Variants in CNTN6 observed in about 807,000 individuals in gnomAD.
The protein encoded by CNTN6 is contactin 6.
Under a neutral mutation model 122.8 loss-of-function variants are expected in CNTN6, and 137 were observed. The observed-to-expected ratio is 1.12, with a 90% CI of 0.97 to 1.29. The LOEUF (loss-of-function observed/expected upper bound fraction) is 1.29, where lower values mean the gene tolerates loss of function less well. Among genes scored for constraint, CNTN6 ranks in the 50% most tolerant of loss-of-function variants. CNTN6 has a pLI of 0.00. For missense variants in CNTN6, 1,634 were observed against 1,223.4 expected (o/e 1.34, Z -5.01); for synonymous variants, 570 against 426.0 (o/e 1.34, Z -4.16).
intron 4 of CNTN6, among the ~76,000 whole-genome samples, chr3:1,266,949 C>A (rs1270411825): frequency 1.1e-5 from 1 of 90,390 alleles, no homozygotes; most frequent in Admixed American, 1.3e-4. Flanking sequence ...CAGCCTGGCC[C>A]TTTTTTTTTT....
In CNTN6 at chr3:1,403,592, A is replaced by G. The variant is rs1696007503; in HGVS notation, c.*174A>G. 2 of 413,910 alleles carry G rather than the reference A, an allele frequency of 4.8e-6. No homozygotes were observed. Among genetic ancestry groups the G allele is most frequent in the Non-Finnish European group, 4.2e-6 (1 of 236,334 alleles). The allele number at this position is 413,910 out of a possible 1,614,324, so 25.6% of individuals were successfully genotyped here. A position where few individuals can be genotyped will look rare whatever the true frequency, so the allele number is the denominator to read the frequency against. ...TGGTATATTAATAAAACAATTTTAAACACTTTTGAATTTTAAAATCCGCAC... is the reference window on the plus strand; with the variant it reads ...TGGTATATTAATAAAACAATTTTAAGCACTTTTGAATTTTAAAATCCGCAC... On this transcript the variant is annotated 3_prime_UTR_variant, in exon 23 of 23. Coordinates refer to ENST00000446702, the MANE Select transcript of CNTN6 (RefSeq NM_001289080.2).
chr3:1,383,090 C>T lies in CNTN6; in HGVS notation c.2315C>T (p.Ser772Phe). The T allele has an allele frequency of 6.2e-7, 1 of 1,613,992 alleles. No homozygotes were observed. The highest frequency in any genetic ancestry group is 8.5e-7 in the Non-Finnish European group (1 of 1,179,902). ...AGAAATGAAAGCATCATCCCACTGTCTCCCTTTGAAGTCAAAGTGGGTGTG... is the reference window on the plus strand; with the variant it reads ...AGAAATGAAAGCATCATCCCACTGTTTCCCTTTGAAGTCAAAGTGGGTGTG... ...VYRNESIIPL[S>F]PFEVKVGVYN... Residue 772 changes from serine (S) to phenylalanine (F), a missense_variant, in exon 18 of 23, where the codon TCT becomes TTT. Physicochemically the swap from Ser to Phe is radical, Grantham distance 155 (BLOSUM62 -2). Transcript: ENST00000446702.
At chr3:1,351,265 G>A (rs1170766212) in intron 11 of CNTN6, among the ~76,000 whole-genome samples, 3 of 151,914 alleles carry the variant, frequency 2.0e-5, no homozygotes, top group Non-Finnish European at 4.4e-5. Context: ...TAGAAACAAC[G>A]ATATGTTTGC....
chr3:1,342,590 A>T (rs1018288025), intron 11 of CNTN6, among the ~76,000 whole-genome samples: 15 of 152,122 alleles, frequency 9.9e-5, no homozygotes, highest in African/African-American at 3.6e-4. Flanking sequence ...TGCCTAATAT[A>T]ACTCAATACA....
intron 4 of CNTN6, among the ~76,000 whole-genome samples, chr3:1,261,650 A>G (rs535968026): frequency 3.9e-5 from 6 of 152,124 alleles, no homozygotes; most frequent in African/African-American, 9.7e-5. Flanking sequence ...CTGTCCCCCA[A>G]TGTGACAGGT....
intron 2 of CNTN6, among the ~76,000 whole-genome samples, chr3:1,174,438 T>A (rs1260963088): frequency 2.0e-5 from 3 of 152,212 alleles, no homozygotes; most frequent in Non-Finnish European, 4.4e-5. Context: ...GGAAATTTTT[T>A]AGCAGCATCT....
intron 5 of CNTN6, among the ~76,000 whole-genome samples, chr3:1,283,766 A>G (rs1442993072): frequency 2.6e-5 from 4 of 152,110 alleles, no homozygotes; most frequent in Non-Finnish European, 5.9e-5. Flanking sequence ...TTGGGAGGCC[A>G]AGGTGGGCAG....
rs146844655 is a variant in CNTN6, at chr3:1,143,745, C to A, written c.-82-4182C>A. ...TTTAGGCTAGCAGTATAGAGGAATG[C>A]CAAATAAAACATCTTTCGGGCTTTG... is the stretch of plus-strand genomic sequence containing the variant. On this transcript the variant is annotated intron_variant, in intron 1 of 22. Coordinates refer to ENST00000446702, the MANE Select transcript of CNTN6 (RefSeq NM_001289080.2). Among the ~76,000 whole-genome samples, 243 of 152,272 alleles carry A rather than the reference C, an allele frequency of 1.6e-3. 1 individual carries two copies. Among genetic ancestry groups the A allele is most frequent in the African/African-American group, 5.6e-3 (234 of 41,560 alleles).
chr3:1,386,950 CCA>C (rs1262529073), intron 20 of CNTN6, among the ~76,000 whole-genome samples: 2 of 152,134 alleles, frequency 1.3e-5, no homozygotes, highest in Non-Finnish European at 2.9e-5. Context: ...TAGTTAGGAA[CCA>C]TCTCAGAGAA....
At chr3:1,231,363 C>T (rs973650969) in intron 4 of CNTN6, among the ~76,000 whole-genome samples, 3 of 152,198 alleles carry the variant, frequency 2.0e-5, no homozygotes, top group African/African-American at 7.2e-5. Context: ...TGTAAAATGT[C>T]ACTTTGACCT....
intron 2 of CNTN6, among the ~76,000 whole-genome samples, chr3:1,192,560 GA>G (rs925651767): frequency 6.6e-6 from 1 of 152,108 alleles, no homozygotes; most frequent in African/African-American, 2.4e-5. Flanking sequence ...ACAGAGTCCA[GA>G]ACTGCTTTCA....
intron 2 of CNTN6, among the ~76,000 whole-genome samples, chr3:1,177,124 A>T (rs2093465672): frequency 6.6e-6 from 1 of 152,204 alleles, no homozygotes; most frequent in African/African-American, 2.4e-5. Context: ...ATGGCCTGGG[A>T]TCTTCAAGAA....
intron 6 of CNTN6, among the ~76,000 whole-genome samples, chr3:1,297,064 T>G (rs1317177478): frequency 2.6e-5 from 4 of 152,154 alleles, no homozygotes; most frequent in Non-Finnish European, 5.9e-5. Flanking sequence ...ACCAACTTAG[T>G]TGAATGAAGT....
At chr3:1,133,640 A>C (rs2092396291) in intron 1 of CNTN6, among the ~76,000 whole-genome samples, 1 of 148,526 alleles carries the variant, frequency 6.7e-6, no homozygotes, top group Admixed American at 6.7e-5. Context: ...CAGTGACTTT[A>C]TTTTCTTTTC....
chr3:1,093,885 TG>T (rs2090375457), intron 1 of CNTN6, among the ~76,000 whole-genome samples: 1 of 152,124 alleles, frequency 6.6e-6, no homozygotes, highest in African/African-American at 2.4e-5. Flanking sequence ...CATTGGGGTT[TG>T]GGGGGAAAAT....
At chr3:1,330,970 G>A (rs954693801) in intron 11 of CNTN6, among the ~76,000 whole-genome samples, 3 of 151,850 alleles carry the variant, frequency 2.0e-5, no homozygotes, top group Admixed American at 6.6e-5. Context: ...CTGCATTCTG[G>A]TATTGAATCT....
intron 1 of CNTN6, among the ~76,000 whole-genome samples, chr3:1,107,204 A>G (rs960263297): frequency 3.3e-5 from 5 of 152,166 alleles, no homozygotes; most frequent in African/African-American, 1.2e-4. Context: ...GATCACAATG[A>G]TACTAGTAAG....
intron 7 of CNTN6, among the ~76,000 whole-genome samples, chr3:1,304,240 G>T (rs1697943457): frequency 6.6e-6 from 1 of 151,932 alleles, no homozygotes; most frequent in Non-Finnish European, 1.5e-5. Flanking sequence ...CCCTCTTTCA[G>T]GATCATACTT....
At chr3:1,152,962 A>G (rs888733985) in intron 2 of CNTN6, among the ~76,000 whole-genome samples, 3 of 152,192 alleles carry the variant, frequency 2.0e-5, no homozygotes, top group Non-Finnish European at 4.4e-5. Flanking sequence ...CTAAATATTC[A>G]TATCATCTTA....
Sources: allele counts gnomAD v4.1 joint callset (sites outside exome capture counted in the v4.1 genomes callset), GRCh38; gene constraint gnomAD v4.1.1; transcripts MANE v1.5; gene names NCBI Gene and HGNC (gene_info 2026-07-23, HGNC 2026-07-21).